The following COG6 variants were observed in gnomAD, a reference collection of about 807,000 sequenced individuals.
COG6 encodes component of oligomeric golgi complex 6, also known as conserved oligomeric Golgi complex subunit 6.
Under a neutral mutation model 88.8 loss-of-function variants are expected in COG6, and 74 were observed. The ratio of observed to expected loss-of-function variants is 0.83; its 90% CI spans 0.69 to 1.01. The LOEUF (loss-of-function observed/expected upper bound fraction) is 1.01. Ranked by LOEUF, COG6 falls within the 50% of genes least tolerant of loss-of-function variation. The pLI, the probability that COG6 is intolerant of heterozygous loss-of-function variation, is 0.00. For synonymous variants in COG6, 286 were observed against 278.7 expected, an observed-to-expected ratio of 1.03 and a Z score of -0.26; for missense variants, 800 against 797.9, an observed-to-expected ratio of 1.00 and a Z score of -0.03.
rs1294836328 is a variant in COG6, at chr13:39,665,050, T to C, written c.370-46T>C. 4.5e-6 allele frequency: 4 copies of C among 892,956 alleles called. No individual in the cohort carries two copies. The African/African-American group carries it at 6.7e-5, about 15-fold the overall frequency. The allele number at this position is 892,956 out of a possible 1,614,324, so 55.3% of individuals were successfully genotyped here. A position where few individuals can be genotyped will look rare whatever the true frequency, so the allele number is the denominator to read the frequency against. ...GTGGTAGTATTTGTTTTCTGAAATA[T>C]AATAAAATTGGAATTTACTTATATT... is the stretch of plus-strand genomic sequence containing the variant. On this transcript the variant is annotated intron_variant, in intron 3 of 18. Coordinates refer to ENST00000455146, the MANE Select transcript of COG6 (RefSeq NM_020751.3).
At chr13:39,765,983 C>A (rs375255926) in intron 18 of COG6, among the ~76,000 whole-genome samples, 39 of 152,324 alleles carry the variant, frequency 2.6e-4, no homozygotes, top group African/African-American at 9.1e-4. Context: ...ATTTAGCAAC[C>A]CAACCCTTGG....
At chr13:39,702,637 A>AT (rs1225844497) in intron 13 of COG6, among the ~76,000 whole-genome samples, 1 of 152,078 alleles carries the variant, frequency 6.6e-6, no homozygotes, top group African/African-American at 2.4e-5. Context: ...TGGTTCTTCT[A>AT]TTTAAGTGAA....
chr13:39,680,345 A>C (rs1371111319), intron 7 of COG6, among the ~76,000 whole-genome samples: 1 of 152,242 alleles, frequency 6.6e-6, no homozygotes, highest in Non-Finnish European at 1.5e-5. Context: ...GTGAGAATAA[A>C]ACAATGAAGA....
intron 18 of COG6, among the ~76,000 whole-genome samples, chr13:39,741,931 G>T (rs1009048123): frequency 4.6e-5 from 7 of 152,192 alleles, no homozygotes; most frequent in Non-Finnish European, 8.8e-5. Context: ...CAAGCCAGAA[G>T]ACAGTGGGGT....
chr13:39,728,719 G>A (rs1879273940), intron 18 of COG6, among the ~76,000 whole-genome samples: 1 of 151,484 alleles, frequency 6.6e-6, no homozygotes, highest in African/African-American at 2.4e-5. Flanking sequence ...TCCCAGGCTA[G>A]AGTGCAGTGA....
At chr13:39,764,130 T>C (rs1881100894) in intron 18 of COG6, among the ~76,000 whole-genome samples, 1 of 151,872 alleles carries the variant, frequency 6.6e-6, no homozygotes, top group Non-Finnish European at 1.5e-5. Context: ...TCAGTTTTGG[T>C]AAATTTTATT....
intron 18 of COG6, among the ~76,000 whole-genome samples, chr13:39,747,924 T>C (rs1880426229): frequency 6.6e-6 from 1 of 152,208 alleles, no homozygotes; most frequent in African/African-American, 2.4e-5. Context: ...CTCTGAACTT[T>C]TAAAAATCAT....
chr13:39,769,733 G>A (rs542694115), intron 18 of COG6, among the ~76,000 whole-genome samples: 11 of 152,258 alleles, frequency 7.2e-5, no homozygotes, highest in South Asian at 2.1e-4. Flanking sequence ...TTAAGAGAGC[G>A]GGGCCTTCGG....
intron 8 of COG6, among the ~76,000 whole-genome samples, chr13:39,683,258 A>T (rs1052499843): frequency 6.6e-6 from 1 of 152,230 alleles, no homozygotes; most frequent in Non-Finnish European, 1.5e-5. Flanking sequence ...TTGATAGTCT[A>T]GAAGTCATGT....
intron 5 of COG6, among the ~76,000 whole-genome samples, chr13:39,678,984 C>T (rs1876142958): frequency 6.6e-6 from 1 of 151,884 alleles, no homozygotes; most frequent in African/African-American, 2.4e-5. Context: ...CGTTATTTTT[C>T]GTGGGTGGAA....
chr13:39,693,662 A>G (rs904343181), intron 11 of COG6, among the ~76,000 whole-genome samples: 3 of 152,006 alleles, frequency 2.0e-5, no homozygotes, highest in Non-Finnish European at 2.9e-5. Context: ...GATCAATTTC[A>G]TAAACATATT....
At chr13:39,734,105 A>G (rs1189166173) in intron 18 of COG6, among the ~76,000 whole-genome samples, 1 of 151,890 alleles carries the variant, frequency 6.6e-6, no homozygotes, top group Non-Finnish European at 1.5e-5. Context: ...TTTCAATTTC[A>G]TATATTTCTG....
At chr13:39,732,842 T>A (rs942183964) in intron 18 of COG6, among the ~76,000 whole-genome samples, 2 of 152,180 alleles carry the variant, frequency 1.3e-5, no homozygotes. Flanking sequence ...GGGAATTTTT[T>A]CTAAATGTTA....
chr13:39,789,296 C>T (rs1295288003), exon 19 of COG6: 2 of 152,168 alleles, frequency 1.3e-5, no homozygotes, highest in South Asian at 2.1e-4. Context: ...TGAATTTACT[C>T]CAATTTATAA....
At chr13:39,710,016 G>T (rs1878151672) in intron 13 of COG6, among the ~76,000 whole-genome samples, 1 of 152,012 alleles carries the variant, frequency 6.6e-6, no homozygotes, top group Non-Finnish European at 1.5e-5. Flanking sequence ...ATTTTATTTA[G>T]AATCAACTTG....
At chr13:39,722,173 C>A (rs1382239949) in intron 15 of COG6, among the ~76,000 whole-genome samples, 1 of 151,844 alleles carries the variant, frequency 6.6e-6, no homozygotes, top group Non-Finnish European at 1.5e-5. Flanking sequence ...ATTTTTCTTT[C>A]AGACCGCTGA....
chr13:39,712,944 A>G, intron 13 of COG6, among the ~76,000 whole-genome samples: 1 of 152,224 alleles, frequency 6.6e-6, no homozygotes, highest in Admixed American at 6.5e-5. Flanking sequence ...AAATAGAGGG[A>G]AAAGTCAAAC....
intron 18 of COG6, among the ~76,000 whole-genome samples, chr13:39,782,732 GC>G (rs1881667223): frequency 6.6e-6 from 1 of 152,176 alleles, no homozygotes; most frequent in Admixed American, 6.5e-5. Context: ...CACAACAGGG[GC>G]TAGCAATGGC....
chr13:39,707,800 G>A (rs1469845526), intron 13 of COG6, among the ~76,000 whole-genome samples: 1 of 152,048 alleles, frequency 6.6e-6, no homozygotes, highest in Admixed American at 6.6e-5. Flanking sequence ...GTTACTGATG[G>A]ACATTTGGGA....
Sources: gnomAD v4.1 joint callset for allele counts (sites outside exome capture counted in the v4.1 genomes callset) on GRCh38, gnomAD v4.1.1 for gene constraint, MANE v1.5 for transcripts, NCBI Gene and HGNC (gene_info 2026-07-23, HGNC 2026-07-21) for gene names.